Variants in IQGAP2 observed in about 807,000 individuals in gnomAD.
IQGAP2 encodes IQ motif containing GTPase activating protein 2, also known as ras GTPase-activating-like protein IQGAP2.
IQGAP2 carries 173 observed loss-of-function variants against 201.3 expected under a neutral mutation model. The observed-to-expected ratio is 0.86, with a 90% CI of 0.76 to 0.98. The LOEUF (loss-of-function observed/expected upper bound fraction) is 0.98, where lower values mean the gene tolerates loss of function less well. Among genes scored for constraint, IQGAP2 ranks in the 50% least tolerant of loss-of-function variants. The pLI is 0.00. For missense variants in IQGAP2, 1,687 were observed against 1,864.8 expected (o/e 0.90, Z 1.76); for synonymous variants, 675 against 673.9 (o/e 1.00, Z -0.03).
At chr5:76,655,636 C>A (rs444783) in intron 20 of IQGAP2, among the ~76,000 whole-genome samples, 94,592 of 151,530 alleles carry the variant, frequency 0.62, 29,758 homozygotes, top group South Asian at 0.82. Flanking sequence ...TTCAGTACAG[C>A]CGGGGTTTCA....
In IQGAP2 at chr5:76,436,517, A is replaced by T. The variant is rs991343910; in HGVS notation, c.47-25053A>T. Among the ~76,000 whole-genome samples, 157 of 21,010 alleles carry T rather than the reference A, an allele frequency of 7.5e-3. 2 individuals are homozygous for T. Among genetic ancestry groups the T allele is most frequent in the Middle Eastern group, 0.056 (1 of 18 alleles). 13.8% of individuals were successfully genotyped at this position (21,010 alleles called of 152,430 possible). ...TATATATATATATATATATATATAT[A>T]TTTTTTTTTTTTTTTTTTTTTTTTT... On this transcript the variant is annotated intron_variant, in intron 1 of 35. Transcript: ENST00000274364.
chr5:76,576,897 G>T (rs1015523730), intron 5 of IQGAP2, among the ~76,000 whole-genome samples: 1 of 152,184 alleles, frequency 6.6e-6, no homozygotes, highest in African/African-American at 2.4e-5. Context: ...CAGATGTGGC[G>T]AGAGTATCAT....
At chr5:76,523,254 T>A (rs549872766) in intron 2 of IQGAP2, among the ~76,000 whole-genome samples, 216 of 146,804 alleles carry the variant, frequency 1.5e-3, no homozygotes, top group African/African-American at 4.9e-3. Flanking sequence ...TCTGCTAATT[T>A]AAAAAAAAAA....
chr5:76,404,397 A>T, intron 1 of IQGAP2: 1 of 905,966 alleles, frequency 1.1e-6, no homozygotes, highest in Non-Finnish European at 1.3e-6. Context: ...TCAGAGTCCT[A>T]AACATGTGCC....
At chr5:76,617,377 T>A (rs1407330875) in intron 13 of IQGAP2, 1 of 512,104 alleles carries the variant, frequency 2.0e-6, no homozygotes, top group Non-Finnish European at 3.5e-6. Flanking sequence ...TGAGCCAAGA[T>A]AGTGCCACTG....
At chr5:76,696,081 C>T (rs1458321298) in intron 32 of IQGAP2, among the ~76,000 whole-genome samples, 3 of 151,900 alleles carry the variant, frequency 2.0e-5, no homozygotes, top group Non-Finnish European at 4.4e-5. Context: ...CCCGGTGATC[C>T]ACCGGGGCCT....
At chr5:76,447,442 G>A (rs1460473438) in intron 1 of IQGAP2, among the ~76,000 whole-genome samples, 1 of 152,106 alleles carries the variant, frequency 6.6e-6, no homozygotes, top group African/African-American at 2.4e-5. Context: ...CCATTTTATG[G>A]GAGCTCTGTT....
chr5:76,427,679 G>C (rs930394121), intron 1 of IQGAP2, among the ~76,000 whole-genome samples: 1 of 152,202 alleles, frequency 6.6e-6, no homozygotes, highest in Admixed American at 6.5e-5. Flanking sequence ...TGTTCCCGCA[G>C]GTCTGGGCTG....
intron 3 of IQGAP2, among the ~76,000 whole-genome samples, chr5:76,568,672 A>G (rs1452233052): frequency 6.6e-6 from 1 of 152,176 alleles, no homozygotes; most frequent in African/African-American, 2.4e-5. Context: ...AAGAGAAATG[A>G]GTAGATTTGG....
chr5:76,676,560 A>T (rs1744840775), intron 27 of IQGAP2, among the ~76,000 whole-genome samples: 1 of 152,248 alleles, frequency 6.6e-6, no homozygotes, highest in African/African-American at 2.4e-5. Context: ...GAACTATTCA[A>T]CTGTGATCAC....
intron 5 of IQGAP2, among the ~76,000 whole-genome samples, chr5:76,580,742 G>A (rs78619654): frequency 0.034 from 5,115 of 152,130 alleles, 120 homozygotes; most frequent in Non-Finnish European, 0.051. Context: ...TTCTAGCACC[G>A]TCCCTGACAT....
At position 76,562,470 on chromosome 5, in the gene IQGAP2, A is replaced by G. The variant is rs779912911; in HGVS notation, c.221A>G (p.Tyr74Cys). The change falls in exon 3 of 36, where the codon TAC becomes TGC. Residue 74 changes from tyrosine to cysteine, a missense_variant. Coordinates refer to ENST00000274364, the MANE Select transcript of IQGAP2 (RefSeq NM_006633.5). ...GAAGAAGGGCTCCGGAATGGAGTTT[A>G]CCTTGCAAAGTTAGCCAAGTTCTTT... ...ELEEGLRNGV[Y>C]LAKLAKFFAP... The G allele has an allele frequency of 6.2e-7, 1 of 1,613,896 alleles. No homozygotes were observed. The highest frequency in any genetic ancestry group is 1.7e-5 in the Admixed American group (1 of 60,010).
At chr5:76,432,197 C>T (rs1752414713) in intron 1 of IQGAP2, among the ~76,000 whole-genome samples, 1 of 134,508 alleles carries the variant, frequency 7.4e-6, no homozygotes, top group Non-Finnish European at 1.5e-5. Flanking sequence ...TGGATCTCAG[C>T]TCACTGCATC....
At chr5:76,623,416 T>C (rs1166476199) in intron 13 of IQGAP2, 2 of 620,450 alleles carry the variant, frequency 3.2e-6, no homozygotes, top group African/African-American at 3.7e-5. Context: ...TGTAATCCAC[T>C]CGATGCTTCA....
intron 1 of IQGAP2, among the ~76,000 whole-genome samples, chr5:76,425,130 C>T (rs557422608): frequency 6.6e-6 from 1 of 152,298 alleles, no homozygotes; most frequent in Admixed American, 6.5e-5. Context: ...TAAGCCTCTG[C>T]CTTTCTTGCT....
intron 2 of IQGAP2, among the ~76,000 whole-genome samples, chr5:76,500,647 C>T (rs536157227): frequency 2.0e-5 from 3 of 152,186 alleles, no homozygotes; most frequent in Admixed American, 6.5e-5. Flanking sequence ...GTGCCTGGCT[C>T]TTCCATTTAT....
chr5:76,583,248 T>C (rs925797332), intron 5 of IQGAP2, among the ~76,000 whole-genome samples: 1 of 152,202 alleles, frequency 6.6e-6, no homozygotes, highest in African/African-American at 2.4e-5. Context: ...TGAATTTAAA[T>C]GCTTGGGAAG....
chr5:76,475,259 G>A (rs1755348933), intron 2 of IQGAP2, among the ~76,000 whole-genome samples: 1 of 152,166 alleles, frequency 6.6e-6, no homozygotes, highest in South Asian at 2.1e-4. Flanking sequence ...TGGATAGAAA[G>A]CCTGAGTAGT....
intron 30 of IQGAP2, among the ~76,000 whole-genome samples, chr5:76,690,016 C>T (rs185209928): frequency 3.6e-4 from 55 of 152,292 alleles, no homozygotes; most frequent in Non-Finnish European, 6.3e-4. Flanking sequence ...TGGTGTATTT[C>T]TTTCTCTTTT....
Sources: allele counts gnomAD v4.1 joint callset (sites outside exome capture counted in the v4.1 genomes callset), GRCh38; gene constraint gnomAD v4.1.1; transcripts MANE v1.5; gene names NCBI Gene and HGNC (gene_info 2026-07-23, HGNC 2026-07-21).